The following TLK2 variants were observed in gnomAD, a reference collection of about 807,000 sequenced individuals.
TLK2 encodes serine/threonine-protein kinase tousled-like 2.
A neutral mutation model predicts 117.3 loss-of-function variants in TLK2; 6 were observed. The ratio of observed to expected loss-of-function variants is 0.05; its 90% CI spans 0.03 to 0.10. TLK2 has a LOEUF of 0.10. Among genes scored for constraint, TLK2 ranks in the 10% least tolerant of loss-of-function variants. The pLI is 1.00. For missense variants in TLK2, 299 were observed against 901.2 expected, an observed-to-expected ratio of 0.33 and a Z score of 8.56; for synonymous variants, 257 against 316.7, an observed-to-expected ratio of 0.81 and a Z score of 2.00.
At chr17:62,505,159 A>G (rs1320646013) in intron 2 of TLK2, among the ~76,000 whole-genome samples, 4 of 152,080 alleles carry the variant, frequency 2.6e-5, no homozygotes, top group Non-Finnish European at 4.4e-5. Flanking sequence ...TTTTAAAAGT[A>G]CGTCACTCAC....
intron 20 of TLK2, among the ~76,000 whole-genome samples, chr17:62,606,877 A>G (rs74589429): frequency 0.017 from 2,617 of 152,154 alleles, 39 homozygotes; most frequent in Non-Finnish European, 0.028. Context: ...TGTTTGTTTC[A>G]GTGTTTCCCA....
At chr17:62,579,746 G>A (rs774703504) in intron 14 of TLK2, among the ~76,000 whole-genome samples, 17 of 152,140 alleles carry the variant, frequency 1.1e-4, no homozygotes, top group Non-Finnish European at 2.1e-4. Context: ...TGAAATGGTG[G>A]GAACATGTGG....
At chr17:62,576,581 C>G (rs2080803958) in intron 12 of TLK2, 128 bp from the exon 13 acceptor site, 1 of 710,724 alleles carries the variant, frequency 1.4e-6, no homozygotes. Flanking sequence ...TACAAGATAA[C>G]CCATCTTTCA....
chr17:62,496,799 CA>C (rs1038980382), intron 2 of TLK2, among the ~76,000 whole-genome samples: 4 of 151,026 alleles, frequency 2.6e-5, no homozygotes, highest in Non-Finnish European at 5.9e-5. Flanking sequence ...ACTAAAAGTA[CA>C]AAAAAAATTA....
At chr17:62,523,689 G>T (rs1244914313) in intron 5 of TLK2, among the ~76,000 whole-genome samples, 1 of 152,114 alleles carries the variant, frequency 6.6e-6, no homozygotes, top group Non-Finnish European at 1.5e-5. Flanking sequence ...GAAAACTGCT[G>T]CTGCCTTCCT....
chr17:62,512,412 G>A (rs1482113122), intron 2 of TLK2, among the ~76,000 whole-genome samples: 4 of 151,552 alleles, frequency 2.6e-5, no homozygotes, highest in Non-Finnish European at 4.4e-5. Context: ...CAGTAGAGAC[G>A]GGGTTTCTCC....
chr17:62,491,914 C>T (rs1424778667), intron 2 of TLK2, among the ~76,000 whole-genome samples: 1 of 152,124 alleles, frequency 6.6e-6, no homozygotes, highest in Non-Finnish European at 1.5e-5. Context: ...TATCCTTTTT[C>T]TAAAAAACTG....
At chr17:62,602,928 T>C (rs987073448) in intron 19 of TLK2, among the ~76,000 whole-genome samples, 9 of 152,054 alleles carry the variant, frequency 5.9e-5, no homozygotes, top group Non-Finnish European at 1.2e-4. Flanking sequence ...TTTGAGGTGG[T>C]CACACAAGCC....
intron 16 of TLK2, among the ~76,000 whole-genome samples, chr17:62,593,465 C>T (rs573279399): frequency 1.3e-5 from 2 of 152,114 alleles, no homozygotes; most frequent in African/African-American, 2.4e-5. Context: ...TCACATTGTA[C>T]GGTTGTATGA....
intron 7 of TLK2, among the ~76,000 whole-genome samples, chr17:62,546,344 G>GTTTTTTTTTTTTTTTT (rs61100480): frequency 0.1 from 2,351 of 23,220 alleles, 954 homozygotes; most frequent in Non-Finnish European, 0.15. Context: ...TTTGTTGATT[G>GTTTTTTTTTTTTTTTT]TTTTTTTTTT....
chr17:62,472,470 G>A (rs2070960326), intron 1 of TLK2, among the ~76,000 whole-genome samples: 1 of 152,002 alleles, frequency 6.6e-6, no homozygotes, highest in African/African-American at 2.4e-5. Flanking sequence ...CGGGCACGGT[G>A]GCTCATGCCT....
At chr17:62,612,178 G>T (rs2083843535) in intron 21 of TLK2, 1 of 478,794 alleles carries the variant, frequency 2.1e-6, no homozygotes, top group African/African-American at 2.0e-5. Flanking sequence ...TTCTGTCTGA[G>T]AAGGGATCGG....
intron 2 of TLK2, among the ~76,000 whole-genome samples, chr17:62,514,247 G>A (rs551149187): frequency 4.9e-4 from 74 of 150,820 alleles, no homozygotes; most frequent in African/African-American, 1.7e-3. Context: ...GGGTTCAAGC[G>A]ATTCTTCTGC....
rs139618622 is a variant in TLK2, at chr17:62,575,554, C to G, written c.1122-1155C>G. On this transcript the variant is annotated intron_variant, in intron 12 of 21. Coordinates refer to ENST00000346027, the MANE Select transcript of TLK2 (RefSeq NM_006852.6). ...TTCTGCTATTTAGAATATATCTAAA[C>G]AGTGATATCTAAAAATATTAAATAT... is the stretch of plus-strand genomic sequence containing the variant. 1.0e-3 allele frequency among the ~76,000 whole-genome samples: 156 copies of G among 152,250 alleles called. 1 individual carries two copies. Among genetic ancestry groups the G allele is most frequent in the African/African-American group, 3.5e-3 (146 of 41,556 alleles).
chr17:62,565,464 C>A (rs1324358724), intron 11 of TLK2, among the ~76,000 whole-genome samples: 1 of 151,342 alleles, frequency 6.6e-6, no homozygotes, highest in African/African-American at 2.4e-5. Flanking sequence ...ACCAGCCTGG[C>A]CAACATGGTG....
At chr17:62,592,817 T>A (rs2082176619) in intron 16 of TLK2, among the ~76,000 whole-genome samples, 1 of 152,214 alleles carries the variant, frequency 6.6e-6, no homozygotes, top group East Asian at 1.9e-4. Context: ...GTGGGAGCCC[T>A]GAGCTTGCTT....
Position 62,612,647 on chromosome 17 carries a change from T to A in TLK2, c.*82T>A. ...AGCAGCGGGTTTGGAACATAGCGAATCCGAATGGATCTGATGAAACCTGTA... is the reference window on the plus strand; with the variant it reads ...AGCAGCGGGTTTGGAACATAGCGAAACCGAATGGATCTGATGAAACCTGTA... On this transcript the variant is annotated 3_prime_UTR_variant, in exon 22 of 22. Coordinates refer to ENST00000346027, the MANE Select transcript of TLK2 (RefSeq NM_006852.6). The A allele has an allele frequency of 7.3e-7, 1 of 1,373,578 alleles. No homozygotes were observed. Among genetic ancestry groups the A allele is most frequent in the South Asian group, 1.4e-5 (1 of 72,224 alleles). The allele number at this position is 1,373,578 out of a possible 1,614,324, so 85.1% of individuals were successfully genotyped here. A position where few individuals can be genotyped will look rare whatever the true frequency, so the allele number is the denominator to read the frequency against.
At position 62,615,134 on chromosome 17, in the gene TLK2, C is replaced by T. The variant is rs1440957747; in HGVS notation, c.*2569C>T. ...ATTGAAAGGATGCCCTCTTCCCTTGCTTTTTTGGTCTAGGGCCTGTTTGGA... is the reference window on the plus strand; with the variant it reads ...ATTGAAAGGATGCCCTCTTCCCTTGTTTTTTTGGTCTAGGGCCTGTTTGGA... On this transcript the variant is annotated 3_prime_UTR_variant, in exon 22 of 22. Coordinates refer to ENST00000346027, the MANE Select transcript of TLK2 (RefSeq NM_006852.6). The T allele has an allele frequency of 1.3e-5, 2 of 152,056 alleles. No individual in the cohort carries two copies. The highest frequency in any genetic ancestry group is 4.8e-5 in the African/African-American group (2 of 41,360). The allele number at this position is 152,056 out of a possible 1,614,324, so 9.4% of individuals were successfully genotyped here.
In TLK2 at chr17:62,612,811, C is replaced by G. The variant is rs968239511; in HGVS notation, c.*246C>G. ...CCCGAGGTTCCAGCGTCAACGGCCA[C>G]TGTGTGTGGCTGCTCTGAGTGAGGA... is the stretch of plus-strand genomic sequence containing the variant. On this transcript the variant is annotated 3_prime_UTR_variant, in exon 22 of 22. Coordinates refer to ENST00000346027, the MANE Select transcript of TLK2 (RefSeq NM_006852.6). 11 of 328,598 alleles carry G rather than the reference C, an allele frequency of 3.3e-5. No homozygotes were observed. Among genetic ancestry groups the G allele is most frequent in the African/African-American group, 1.5e-4 (7 of 46,796 alleles). The allele number at this position is 328,598 out of a possible 1,614,324, so 20.4% of individuals were successfully genotyped here.
Sources: gnomAD v4.1 joint callset for allele counts (sites outside exome capture counted in the v4.1 genomes callset) on GRCh38, gnomAD v4.1.1 for gene constraint, MANE v1.5 for transcripts, NCBI Gene and HGNC (gene_info 2026-07-23, HGNC 2026-07-21) for gene names.